XIRP2: variants seen among roughly 807,000 people sequenced by gnomAD.
XIRP2 encodes the protein xin actin-binding repeat-containing protein 2.
XIRP2 carries 236 observed loss-of-function variants against 277.0 expected under a neutral mutation model. The ratio of observed to expected loss-of-function variants is 0.85; its 90% CI spans 0.77 to 0.95. The LOEUF is 0.95. Among genes scored for constraint, XIRP2 ranks in the 40% least tolerant of loss-of-function variants. The pLI is 0.00. For missense variants in XIRP2, 4,640 were observed against 4,157.5 expected (o/e 1.12, Z -3.19); for synonymous variants, 1,490 against 1,416.5 (o/e 1.05, Z -1.17).
At chr2:167,029,374 G>A (rs575887958) in intron 2 of XIRP2, among the ~76,000 whole-genome samples, 74 of 152,134 alleles carry the variant, frequency 4.9e-4, no homozygotes, top group South Asian at 1.5e-3. Flanking sequence ...ATTCAGATAC[G>A]TTCCCTCAAT....
chr2:166,908,067 G>A (rs7595219), intron 2 of XIRP2, among the ~76,000 whole-genome samples: 96,319 of 151,836 alleles, frequency 0.63, 32,208 homozygotes, highest in East Asian at 0.85. Context: ...TAGTGCCGCA[G>A]TAAACATATG....
chr2:166,937,479 C>T (rs933539740), intron 2 of XIRP2, among the ~76,000 whole-genome samples: 8 of 152,138 alleles, frequency 5.3e-5, no homozygotes, highest in African/African-American at 1.9e-4. Flanking sequence ...TTTTGATGTG[C>T]TGCTGGATTT....
chr2:166,889,710 C>G (rs1189581193), intron 1 of XIRP2: 1 of 152,746 alleles, frequency 6.5e-6, no homozygotes, highest in African/African-American at 2.4e-5. Context: ...ACTTGTTTGA[C>G]CTTTCTGGTT....
chr2:166,941,895 A>G (rs552785261), intron 2 of XIRP2, among the ~76,000 whole-genome samples: 5 of 152,346 alleles, frequency 3.3e-5, no homozygotes, highest in Admixed American at 3.3e-4. Flanking sequence ...GGAGATACCA[A>G]TTATATGGCA....
chr2:167,102,257 G>A (rs1038217066), intron 2 of XIRP2, among the ~76,000 whole-genome samples: 2 of 152,144 alleles, frequency 1.3e-5, no homozygotes, highest in Non-Finnish European at 2.9e-5. Flanking sequence ...CATTTCAAAG[G>A]GTAGATGCAA....
chr2:167,128,790 C>T (rs1433964268), intron 2 of XIRP2, among the ~76,000 whole-genome samples: 6 of 152,134 alleles, frequency 3.9e-5, no homozygotes, highest in African/African-American at 9.7e-5. Flanking sequence ...TTATCACACT[C>T]TTTTTTGTTA....
At chr2:166,988,258 G>T (rs914148012) in intron 2 of XIRP2, among the ~76,000 whole-genome samples, 2 of 152,036 alleles carry the variant, frequency 1.3e-5, no homozygotes, top group Admixed American at 1.3e-4. Flanking sequence ...GAAGAAAACC[G>T]CAGACAAACC....
intron 2 of XIRP2, among the ~76,000 whole-genome samples, chr2:167,073,870 C>A (rs1251144424): frequency 1.3e-5 from 2 of 152,078 alleles, no homozygotes; most frequent in Non-Finnish European, 2.9e-5. Flanking sequence ...AGATTTGGAA[C>A]CTCATCTTTG....
At chr2:167,033,154 G>A (rs1216222790) in intron 2 of XIRP2, among the ~76,000 whole-genome samples, 1 of 152,100 alleles carries the variant, frequency 6.6e-6, no homozygotes, top group African/African-American at 2.4e-5. Context: ...CATGGATGAA[G>A]CTGGAAAGCA....
chr2:167,008,138 G>C (rs186861946), intron 2 of XIRP2, among the ~76,000 whole-genome samples: 1 of 151,452 alleles, frequency 6.6e-6, no homozygotes, highest in East Asian at 1.9e-4. Flanking sequence ...AGGACATATG[G>C]TCAGAATTTT....
At chr2:167,237,744 T>A (rs1018283030) in intron 5 of XIRP2, among the ~76,000 whole-genome samples, 1 of 152,182 alleles carries the variant, frequency 6.6e-6, no homozygotes, top group African/African-American at 2.4e-5. Flanking sequence ...GGGACCTTGG[T>A]TCTGATCAGG....
intron 2 of XIRP2, among the ~76,000 whole-genome samples, chr2:166,911,748 T>C (rs561111172): frequency 6.6e-6 from 1 of 152,338 alleles, no homozygotes; most frequent in Non-Finnish European, 1.5e-5. Context: ...TCGCTGGTAC[T>C]GGTTGTTCCT....
At chr2:167,008,019 G>A (rs1687553330) in intron 2 of XIRP2, among the ~76,000 whole-genome samples, 2 of 151,376 alleles carry the variant, frequency 1.3e-5, no homozygotes, top group Admixed American at 1.3e-4. Flanking sequence ...TTCCAGTTAT[G>A]TATTTCTGTT....
intron 2 of XIRP2, among the ~76,000 whole-genome samples, chr2:166,984,992 T>G (rs1686964426): frequency 6.6e-6 from 1 of 152,250 alleles, no homozygotes. Context: ...TTATTCTGAT[T>G]CACTGCTGAT....
chr2:166,896,486 TAAAAAGTAAAAAAAAAAG>T (rs1402796780), intron 1 of XIRP2, among the ~76,000 whole-genome samples: 1 of 150,972 alleles, frequency 6.6e-6, no homozygotes, highest in Non-Finnish European at 1.5e-5. Flanking sequence ...TAAAAATTTT[TAAAAAGTAAAAAAAAAAG>T]AAAAAGTTTA....
intron 1 of XIRP2, among the ~76,000 whole-genome samples, chr2:166,889,187 A>AC (rs776608027): frequency 2.0e-5 from 3 of 152,140 alleles, no homozygotes; most frequent in Non-Finnish European, 4.4e-5. Flanking sequence ...AGCTCTTCTT[A>AC]CCCCACTTCT....
intron 2 of XIRP2, among the ~76,000 whole-genome samples, chr2:167,100,194 C>A (rs946295491): frequency 1.7e-4 from 25 of 151,316 alleles, no homozygotes; most frequent in East Asian, 1.4e-3. Flanking sequence ...AAAAAAATTA[C>A]AAAATCATAT....
intron 3 of XIRP2, among the ~76,000 whole-genome samples, chr2:167,201,649 T>A (rs1693725394): frequency 6.6e-6 from 1 of 152,184 alleles, no homozygotes; most frequent in Non-Finnish European, 1.5e-5. Flanking sequence ...GATTTCTAAT[T>A]CTAAACTCAA....
At chr2:167,107,649 A>G (rs992921904) in intron 2 of XIRP2, among the ~76,000 whole-genome samples, 10 of 151,402 alleles carry the variant, frequency 6.6e-5, no homozygotes, top group Admixed American at 6.6e-4. Flanking sequence ...ATTGGTCTAT[A>G]GTTTTTGGTC....
Sources: allele counts gnomAD v4.1 joint callset (sites outside exome capture counted in the v4.1 genomes callset), GRCh38; gene constraint gnomAD v4.1.1; transcripts MANE v1.5; gene names NCBI Gene and HGNC (gene_info 2026-07-23, HGNC 2026-07-21).